VWDE: variants seen among roughly 807,000 people sequenced by gnomAD.
VWDE encodes von Willebrand factor D and EGF domain-containing protein.
VWDE carries 207 observed loss-of-function variants against 178.4 expected under a neutral mutation model. The observed-to-expected ratio is 1.16, with a 90% CI of 1.04 to 1.30. VWDE has a LOEUF of 1.30. Among genes scored for constraint, VWDE ranks in the 50% most tolerant of loss-of-function variants. The pLI is 0.00. For missense variants in VWDE, 2,287 were observed against 1,901.3 expected (o/e 1.20, Z -3.77); for synonymous variants, 738 against 651.4 (o/e 1.13, Z -2.02).
rs1253016344 is a variant in VWDE at position 12,336,169 on chromosome 7, G to A, written c.4626C>T (p.Ser1542=). 3 of 1,551,168 alleles carry A rather than the reference G, an allele frequency of 1.9e-6. No homozygotes were observed. Among genetic ancestry groups the A allele is most frequent in the Non-Finnish European group, 1.7e-6 (2 of 1,146,890 alleles). ...TTTGACACCGCACTCCTTCCCAGGA[G>A]GAAGGACAATGGCATATGCTGGGCG... The part of the protein sequence containing the change: ...CIAPSICHCP[S]SWEGVRCQIP... Residue 1542 remains serine (S), a synonymous_variant, in exon 27 of 29, where the codon TCC becomes TCT. Transcript: ENST00000275358.
At chr7:12,381,951 A>C (rs1783875189) in intron 4 of VWDE, among the ~76,000 whole-genome samples, 1 of 151,954 alleles carries the variant, frequency 6.6e-6, no homozygotes, top group Non-Finnish European at 1.5e-5. Context: ...CATTGCTTGC[A>C]ACAGTATAGA....
At chr7:12,364,032 G>C (rs957666034) in intron 13 of VWDE, among the ~76,000 whole-genome samples, 2 of 151,922 alleles carry the variant, frequency 1.3e-5, no homozygotes, top group African/African-American at 4.8e-5. Context: ...TATACATTTA[G>C]ATTGAGAAAC....
In VWDE at chr7:12,367,401, A is replaced by G; in HGVS notation, c.2854T>C (p.Phe952Leu). ...CATTTAATTGAAGGTAATTCTTTGA[A>G]GCCTTTGCCAAAAACTCTCACCATC... ...CMMVRVFGKG[F>L]KELPSIKCEV... Residue 952 changes from phenylalanine (F) to leucine (L), a missense_variant, in exon 13 of 29, where the codon TTC becomes CTC. Phe to Leu is a conservative substitution (Grantham distance 22, BLOSUM62 0). Transcript: ENST00000275358. 6.5e-7 allele frequency: 1 copy of G among 1,547,444 alleles called. No homozygotes were observed. The highest frequency in any genetic ancestry group is 8.7e-7 in the Non-Finnish European group (1 of 1,144,782).
At chr7:12,395,089 A>T (rs1020165217) in intron 1 of VWDE, among the ~76,000 whole-genome samples, 1 of 152,088 alleles carries the variant, frequency 6.6e-6, no homozygotes, top group Non-Finnish European at 1.5e-5. Flanking sequence ...AATTTTTTTT[A>T]GTACAAGATA....
At chr7:12,337,602 C>G (rs1391158637) in intron 24 of VWDE, among the ~76,000 whole-genome samples, 2 of 152,048 alleles carry the variant, frequency 1.3e-5, no homozygotes. Context: ...GAAAATAAGT[C>G]AAAACGTAGC....
intron 1 of VWDE, among the ~76,000 whole-genome samples, chr7:12,397,475 A>G (rs577300830): frequency 1.3e-5 from 2 of 152,302 alleles, no homozygotes; most frequent in Admixed American, 6.5e-5. Flanking sequence ...TCCTAGGAAA[A>G]AACCCTAGGA....
intron 5 of VWDE, 96 bp downstream of exon 5, chr7:12,380,387 CTCT>C (rs1400273488): frequency 1.4e-6 from 2 of 1,435,680 alleles, no homozygotes; most frequent in Non-Finnish European, 1.8e-6. Context: ...GGGCTTTATA[CTCT>C]GGGGACAAAA....
chr7:12,359,917 T>C (rs1208453778), intron 15 of VWDE, among the ~76,000 whole-genome samples: 1 of 152,176 alleles, frequency 6.6e-6, no homozygotes, highest in Non-Finnish European at 1.5e-5. Flanking sequence ...ATAAGTTTTA[T>C]CTTTACAAAG....
chr7:12,341,619 G>A (rs982845053), intron 23 of VWDE, among the ~76,000 whole-genome samples: 1 of 136,016 alleles, frequency 7.4e-6, no homozygotes, highest in African/African-American at 3.0e-5. Flanking sequence ...GCGACAGAGT[G>A]AGACTCTGTC....
chr7:12,390,755 A>C (rs1041941457), intron 2 of VWDE, among the ~76,000 whole-genome samples: 1 of 152,006 alleles, frequency 6.6e-6, no homozygotes, highest in Non-Finnish European at 1.5e-5. Flanking sequence ...ATACATGAGA[A>C]TATTCAGTAT....
intron 19 of VWDE, among the ~76,000 whole-genome samples, chr7:12,348,655 G>A (rs964033563): frequency 4.7e-5 from 7 of 147,742 alleles, no homozygotes; most frequent in African/African-American, 1.5e-4. Context: ...AACCATTGTG[G>A]AAGTCAGTGT....
chr7:12,373,086 T>C lies in VWDE; in HGVS notation c.1478A>G (p.Asp493Gly). 2 of 1,551,294 alleles carry C rather than the reference T, an allele frequency of 1.3e-6. No individual in the cohort carries two copies. Among genetic ancestry groups the C allele is most frequent in the Admixed American group, 2.0e-5 (1 of 50,964 alleles). The stretch of plus-strand genomic sequence containing the variant: ...TTCACGTAGCTGACCATTGCACATA[T>C]CAAAAGTAACTATATCACCTCCTTC... ...AQEGGDIVTF[D>G]MCNGQLRESQ... Residue 493 changes from aspartate (D) to glycine (G), a missense_variant, in exon 10 of 29, where the codon GAT (aspartate) becomes GGT (glycine). Physicochemically the swap from Asp to Gly is moderately conservative, Grantham distance 94. Transcript: ENST00000275358.
At position 12,380,542 on chromosome 7, in the gene VWDE, C is replaced by T; in HGVS notation, c.733G>A (p.Val245Ile). The T allele has an allele frequency of 6.4e-7, 1 of 1,552,064 alleles. No homozygotes were observed. Among genetic ancestry groups the T allele is most frequent in the Non-Finnish European group, 8.7e-7 (1 of 1,147,070 alleles). The change falls in exon 5 of 29, where the codon GTT becomes ATT. Residue 245 changes from valine to isoleucine, a missense_variant. By Grantham distance (29) the Val-to-Ile change is conservative. Transcript: ENST00000275358. ...VKEELTQETT[V>I]QAFSLLELDG... ...AGTTCTAAAAGAGAGAATGCCTGAA[C>T]TGTGGTCTCTTGTGTCAGCTCCTCT...
intron 1 of VWDE, among the ~76,000 whole-genome samples, chr7:12,402,438 T>A (rs1784946806): frequency 6.6e-6 from 1 of 152,214 alleles, no homozygotes. Flanking sequence ...CTTGACAATG[T>A]TACCAATGTT....
In VWDE at chr7:12,343,126, G is replaced by C. The variant is rs1414466152; in HGVS notation, c.4131C>G (p.Leu1377=). The C allele has an allele frequency of 6.5e-7, 1 of 1,550,074 alleles. No homozygotes were observed. The highest frequency in any genetic ancestry group is 8.7e-7 in the Non-Finnish European group (1 of 1,145,868). ...CTACAAAACCATAAGGACAAGTGCA[G>C]AGATTCCCAGCCAAGCATGTGCCAC... ...QHGGTCLAGN[L]CTCPYGFVGP... Residue 1377 remains leucine, a synonymous_variant, in exon 22 of 29, where the codon CTC becomes CTG. Transcript: ENST00000275358.
At chr7:12,357,644 T>A (rs1451801638) in intron 16 of VWDE, 129 bp from the exon 17 acceptor site, 1 of 1,083,294 alleles carries the variant, frequency 9.2e-7, no homozygotes. Flanking sequence ...TTAGCTGCTT[T>A]CATTTTTTTT....
intron 19 of VWDE, among the ~76,000 whole-genome samples, chr7:12,349,890 T>C (rs1382796405): frequency 6.6e-6 from 1 of 152,066 alleles, no homozygotes; most frequent in Non-Finnish European, 1.5e-5. Context: ...TACATGTAAT[T>C]GTATACAAGA....
In VWDE at chr7:12,344,448, C is replaced by G; in HGVS notation, c.3908G>C (p.Gly1303Ala). 2.6e-6 allele frequency: 4 copies of G among 1,550,116 alleles called. No individual in the cohort carries two copies. Among genetic ancestry groups the G allele is most frequent in the Non-Finnish European group, 3.5e-6 (4 of 1,146,314 alleles). Residue 1303 changes from glycine to alanine, a missense_variant, in exon 20 of 29, where the codon GGA becomes GCA. By Grantham distance (60) the Gly-to-Ala change is moderately conservative. Transcript: ENST00000275358. ...TGGGGCAACACACTCCCTACTTTTT[C>G]CACATGGATATTTACAAATGGCTAA... ...NAFTICKYPC[G>A]KSRECVAPNI...
chr7:12,337,334 T>C (rs1212040531), intron 24 of VWDE, 62 bp from the exon 25 acceptor site: 2 of 1,300,580 alleles, frequency 1.5e-6, no homozygotes, highest in Non-Finnish European at 2.2e-6. Context: ...ATATGATACA[T>C]TGCATCATGT....
Sources: gnomAD v4.1 joint callset for allele counts (sites outside exome capture counted in the v4.1 genomes callset) on GRCh38, gnomAD v4.1.1 for gene constraint, MANE v1.5 for transcripts, NCBI Gene and HGNC (gene_info 2026-07-23, HGNC 2026-07-21) for gene names.